Variants in USP48 observed in about 807,000 individuals in gnomAD.
The protein encoded by USP48 is ubiquitin carboxyl-terminal hydrolase 48.
In USP48, 43 loss-of-function variants were observed where a neutral mutation model predicts 150.7. The observed-to-expected ratio is 0.29, with a 90% confidence interval of 0.22 to 0.37. USP48 has a LOEUF of 0.37. Ranked by LOEUF, USP48 falls within the 10% of genes least tolerant of loss-of-function variation. The pLI is 1.00. For synonymous variants in USP48, 396 were observed against 425.9 expected, an observed-to-expected ratio of 0.93 and a Z score of 0.86; for missense variants, 813 against 1,249.6, an observed-to-expected ratio of 0.65 and a Z score of 5.27.
chr1:21,749,576 G>A (rs1438579432), intron 6 of USP48, among the ~76,000 whole-genome samples: 1 of 151,802 alleles, frequency 6.6e-6, no homozygotes, highest in Non-Finnish European at 1.5e-5. Context: ...TCCACATCCA[G>A]TCTGCAAATT....
intron 26 of USP48, 42 bp from the exon 27 acceptor site, chr1:21,679,481 A>G (rs1216758783): frequency 1.2e-6 from 2 of 1,611,226 alleles, no homozygotes; most frequent in Non-Finnish European, 1.7e-6. Context: ...TGTGAACTAC[A>G]GATTAAAAGT....
chr1:21,735,336 A>T lies in USP48; in HGVS notation c.1171+1110T>A, dbSNP rs144304525. Among the ~76,000 whole-genome samples the T allele has an allele frequency of 2.2e-3, 328 of 151,998 alleles. 2 individuals carry two copies. Among genetic ancestry groups the T allele is most frequent in the African/African-American group, 6.9e-3 (286 of 41,452 alleles). On this transcript the variant is annotated intron_variant, in intron 9 of 26. Transcript: ENST00000308271. ...CATTGCTACCTGGGCGTGGTAGCTC[A>T]TGCCTTGTAATCCCAACACTTTGGG... is the stretch of plus-strand genomic sequence containing the variant.
chr1:21,757,056 A>C (rs757698670), intron 2 of USP48: 106 of 934,676 alleles, frequency 1.1e-4, no homozygotes, highest in Non-Finnish European at 1.3e-4. Context: ...GCCAGCATTC[A>C]GCAGAATGAC....
At chr1:21,718,408 T>C (rs1043100053) in intron 14 of USP48, among the ~76,000 whole-genome samples, 17 of 152,210 alleles carry the variant, frequency 1.1e-4, no homozygotes, top group Non-Finnish European at 2.2e-4. Context: ...CTTGAAGCTT[T>C]TGAAATGTTT....
At chr1:21,723,327 C>G (rs140462263) in intron 12 of USP48, among the ~76,000 whole-genome samples, 16,820 of 151,954 alleles carry the variant, frequency 0.11, 1,338 homozygotes, top group East Asian at 0.26. Flanking sequence ...TGAGACCAGC[C>G]TGGGCAACAC....
chr1:21,753,761 A>C (rs1255907961), intron 3 of USP48, among the ~76,000 whole-genome samples: 1 of 132,920 alleles, frequency 7.5e-6, no homozygotes, highest in Non-Finnish European at 1.6e-5. Flanking sequence ...CAGGAGGTGG[A>C]GGTTGTGGTG....
intron 20 of USP48, 133 bp downstream of exon 20, chr1:21,704,129 T>C (rs563347155): frequency 9.4e-6 from 9 of 961,116 alleles, no homozygotes; most frequent in African/African-American, 8.3e-5. Flanking sequence ...GGGATGATTA[T>C]AATGAGAGTT....
At chr1:21,723,510 T>C (rs898753085) in intron 12 of USP48, among the ~76,000 whole-genome samples, 5 of 143,986 alleles carry the variant, frequency 3.5e-5, no homozygotes, top group African/African-American at 1.3e-4. Flanking sequence ...TGAGACTCCA[T>C]CTCAAAAAAA....
chr1:21,711,237 G>T (rs2097689325), intron 15 of USP48, among the ~76,000 whole-genome samples: 1 of 152,166 alleles, frequency 6.6e-6, no homozygotes, highest in African/African-American at 2.4e-5. Context: ...GAAGTAGCCA[G>T]ATTTGCTACA....
intron 4 of USP48, 93 bp downstream of exon 4, chr1:21,752,899 A>T: frequency 7.0e-7 from 1 of 1,438,376 alleles, no homozygotes; most frequent in Non-Finnish European, 9.2e-7. Context: ...TTTAATTTTT[A>T]AAAAGCATTC....
chr1:21,699,545 G>A (rs536874244), intron 22 of USP48, among the ~76,000 whole-genome samples: 37 of 150,318 alleles, frequency 2.5e-4, no homozygotes, highest in African/African-American at 8.1e-4. Context: ...ACGGAGTCTC[G>A]CTCTGTCACC....
At chr1:21,739,163 A>G (rs893982827) in intron 8 of USP48, among the ~76,000 whole-genome samples, 1 of 152,046 alleles carries the variant, frequency 6.6e-6, no homozygotes, top group Non-Finnish European at 1.5e-5. Flanking sequence ...GACAACAGCT[A>G]AGGTTCATAA....
chr1:21,753,741 A>G (rs1055502881), intron 3 of USP48, among the ~76,000 whole-genome samples: 1 of 147,258 alleles, frequency 6.8e-6, no homozygotes, highest in Non-Finnish European at 1.5e-5. Flanking sequence ...GTTCAAGGAT[A>G]GCTTGAACCC....
intron 3 of USP48, among the ~76,000 whole-genome samples, chr1:21,754,657 A>G (rs2097826874): frequency 6.6e-6 from 1 of 152,172 alleles, no homozygotes; most frequent in Non-Finnish European, 1.5e-5. Flanking sequence ...GCTGCAGATC[A>G]GCTTCCTCCA....
At chr1:21,776,592 CAAAAAAAAAAAAAAA>C (rs59309344) in intron 1 of USP48, among the ~76,000 whole-genome samples, 7 of 57,992 alleles carry the variant, frequency 1.2e-4, no homozygotes, top group African/African-American at 3.4e-4. Flanking sequence ...TGTCTTGTCT[CAAAAAAAAAAAAAAA>C]AAAAAAAAAA....
intron 23 of USP48, 120 bp downstream of exon 23, chr1:21,694,946 A>C: frequency 8.6e-7 from 1 of 1,156,558 alleles, no homozygotes; most frequent in Non-Finnish European, 1.1e-6. Context: ...CTATTTTGAA[A>C]ACTTTAAGTC....
intron 19 of USP48, 44 bp downstream of exon 19, chr1:21,705,683 A>C (rs1032852753): frequency 5.0e-6 from 7 of 1,393,918 alleles, no homozygotes; most frequent in African/African-American, 2.9e-5. Context: ...ATCATCAAAA[A>C]GAGAAAAGAA....
intron 8 of USP48, among the ~76,000 whole-genome samples, chr1:21,744,575 A>T (rs1480590704): frequency 1.3e-5 from 2 of 152,024 alleles, no homozygotes; most frequent in Admixed American, 6.5e-5. Flanking sequence ...CAGGAGTTCA[A>T]GACCAGCCTG....
Position 21,708,425 on chromosome 1 carries a change from G to A in USP48, c.1964-1557C>T, listed in dbSNP as rs187577919. ...AGGCAGAAGAATCGTTTGAATGCAA[G>A]AGGCAGAGGTTGCAGTGAGCCAAGA... On this transcript the variant is annotated intron_variant, in intron 15 of 26. Transcript: ENST00000308271. 5.2e-3 allele frequency among the ~76,000 whole-genome samples: 797 copies of A among 152,274 alleles called. 33 individuals carry two copies. The highest frequency in any genetic ancestry group is 0.043 in the Admixed American group (661 of 15,292).
Sources: allele counts gnomAD v4.1 joint callset (sites outside exome capture counted in the v4.1 genomes callset), GRCh38; gene constraint gnomAD v4.1.1; transcripts MANE v1.5; gene names NCBI Gene and HGNC (gene_info 2026-07-23, HGNC 2026-07-21).